PRKG1: variants seen among roughly 807,000 people sequenced by gnomAD.
The protein encoded by PRKG1 is cGMP-dependent protein kinase 1.
A neutral mutation model predicts 88.1 loss-of-function variants in PRKG1; 35 were observed. That is an observed-to-expected ratio of 0.40 (90% CI 0.30 to 0.53). The LOEUF is 0.53. Among genes scored for constraint, PRKG1 ranks in the 20% least tolerant of loss-of-function variants. The pLI is 0.59. For missense variants in PRKG1, 540 were observed against 839.8 expected, an observed-to-expected ratio of 0.64 and a Z score of 4.41; for synonymous variants, 303 against 292.5, an observed-to-expected ratio of 1.04 and a Z score of -0.37.
At chr10:51,804,285 A>G (rs181864127) in intron 3 of PRKG1, among the ~76,000 whole-genome samples, 2 of 152,222 alleles carry the variant, frequency 1.3e-5, no homozygotes, top group East Asian at 3.9e-4. Flanking sequence ...TGATTTACAA[A>G]ATACTTTCTA....
chr10:51,345,741 T>G (rs1842099850), intron 2 of PRKG1, among the ~76,000 whole-genome samples: 1 of 152,190 alleles, frequency 6.6e-6, no homozygotes, highest in Non-Finnish European at 1.5e-5. Flanking sequence ...TTTTCATTTA[T>G]TTATTGAGCA....
chr10:51,405,563 T>C (rs1489306548), intron 2 of PRKG1, among the ~76,000 whole-genome samples: 5 of 152,140 alleles, frequency 3.3e-5, no homozygotes, highest in Non-Finnish European at 7.4e-5. Flanking sequence ...TAAAACCATA[T>C]CGGAAATTTG....
intron 2 of PRKG1, among the ~76,000 whole-genome samples, chr10:51,371,148 C>T (rs1345415017): frequency 2.0e-5 from 3 of 152,074 alleles, no homozygotes; most frequent in Middle Eastern, 3.4e-3. Context: ...CTATAAGGTC[C>T]GTGATTGGGA....
intron 2 of PRKG1, among the ~76,000 whole-genome samples, chr10:51,406,306 G>A (rs1454211454): frequency 3.3e-5 from 5 of 152,196 alleles, no homozygotes; most frequent in Non-Finnish European, 7.3e-5. Context: ...CTCAGGTGCA[G>A]AGGAAATGAG....
chr10:51,388,599 T>C (rs543431256), intron 2 of PRKG1, among the ~76,000 whole-genome samples: 6 of 152,318 alleles, frequency 3.9e-5, no homozygotes, highest in Non-Finnish European at 7.4e-5. Context: ...ATGTTCAATG[T>C]CATGTGAGGA....
chr10:52,290,794 T>C (rs887751680), intron 17 of PRKG1, among the ~76,000 whole-genome samples: 3 of 152,126 alleles, frequency 2.0e-5, no homozygotes, highest in Admixed American at 1.3e-4. Flanking sequence ...AATTTGAGCT[T>C]ACAGTGAGCT....
intron 1 of PRKG1, among the ~76,000 whole-genome samples, chr10:51,151,706 C>A (rs557604984): frequency 6.6e-6 from 1 of 151,788 alleles, no homozygotes; most frequent in Non-Finnish European, 1.5e-5. Flanking sequence ...ATTTTAATGG[C>A]AGCATAACGT....
intron 3 of PRKG1, among the ~76,000 whole-genome samples, chr10:51,590,069 T>G (rs1341464042): frequency 1.3e-5 from 2 of 152,218 alleles, no homozygotes; most frequent in African/African-American, 4.8e-5. Flanking sequence ...TGTGTTTGTG[T>G]GTTTAACAAG....
At chr10:51,362,644 T>C (rs1476970104) in intron 2 of PRKG1, among the ~76,000 whole-genome samples, 1 of 151,866 alleles carries the variant, frequency 6.6e-6, no homozygotes, top group African/African-American at 2.4e-5. Context: ...ATTTATTTAT[T>C]ATACTTTAAG....
intron 4 of PRKG1, among the ~76,000 whole-genome samples, chr10:51,830,145 A>G (rs934064292): frequency 6.6e-6 from 1 of 151,846 alleles, no homozygotes; most frequent in African/African-American, 2.4e-5. Context: ...CTAGTTTTAT[A>G]CTCTTTATGC....
chr10:51,864,909 A>G (rs148631062), intron 4 of PRKG1, among the ~76,000 whole-genome samples: 265 of 152,246 alleles, frequency 1.7e-3, no homozygotes, highest in Middle Eastern at 6.8e-3. Context: ...TTTGTATGTC[A>G]CCTCATTCTT....
intron 3 of PRKG1, among the ~76,000 whole-genome samples, chr10:51,476,969 C>T (rs535977853): frequency 5.3e-5 from 8 of 151,912 alleles, no homozygotes; most frequent in East Asian, 3.9e-4. Flanking sequence ...CTTTAGGGAT[C>T]GATACTACAA....
chr10:51,581,634 C>T (rs371275092), intron 3 of PRKG1, among the ~76,000 whole-genome samples: 129 of 152,250 alleles, frequency 8.5e-4, no homozygotes, highest in Non-Finnish European at 1.4e-3. Flanking sequence ...GCACGTCACG[C>T]GCTGCTGGCT....
At chr10:51,160,875 C>CGTGTGTGTGTGTGT (rs71459406) in intron 2 of PRKG1, among the ~76,000 whole-genome samples, 6 of 150,074 alleles carry the variant, frequency 4.0e-5, no homozygotes, top group South Asian at 2.1e-4. Flanking sequence ...TCTTCATGCT[C>CGTGTGTGTGTGTGT]GTGTGTGTGT....
intron 2 of PRKG1, among the ~76,000 whole-genome samples, chr10:51,293,978 T>C (rs946400321): frequency 6.6e-6 from 1 of 152,186 alleles, no homozygotes; most frequent in African/African-American, 2.4e-5. Flanking sequence ...GTCAGTGATG[T>C]TGAGCATTTT....
intron 2 of PRKG1, among the ~76,000 whole-genome samples, chr10:51,336,128 A>T (rs1195446860): frequency 1.3e-5 from 2 of 152,098 alleles, no homozygotes; most frequent in Admixed American, 6.6e-5. Flanking sequence ...CAAGGTGGGC[A>T]GGTCACCTGA....
At chr10:51,694,144 A>G (rs2132397876) in intron 3 of PRKG1, among the ~76,000 whole-genome samples, 1 of 152,316 alleles carries the variant, frequency 6.6e-6, no homozygotes, top group East Asian at 1.9e-4. Context: ...TAAAGCAGTG[A>G]GAGACTGACA....
At chr10:51,382,079 C>G (rs1837120417) in intron 2 of PRKG1, among the ~76,000 whole-genome samples, 2 of 151,622 alleles carry the variant, frequency 1.3e-5, no homozygotes, top group African/African-American at 4.9e-5. Flanking sequence ...TTTTTGATGT[C>G]AGAATTGGTA....
At position 51,928,024 on chromosome 10, in the gene PRKG1, C is replaced by T. The variant is rs534387030; in HGVS notation, c.762+20454C>T. On this transcript the variant is annotated intron_variant, in intron 5 of 17. Coordinates refer to ENST00000373980, the MANE Select transcript of PRKG1 (RefSeq NM_006258.4). ...TGAGTTTGTGACAACTTTCAGGAAA[C>T]AGGTCACACTCTAAATCCAGATAGA... 5.9e-4 allele frequency among the ~76,000 whole-genome samples: 90 copies of T among 152,188 alleles called. 1 individual carries two copies. In the Middle Eastern group the frequency reaches 0.014, roughly 23 times the overall value.
Sources: allele counts gnomAD v4.1 joint callset (sites outside exome capture counted in the v4.1 genomes callset), GRCh38; gene constraint gnomAD v4.1.1; transcripts MANE v1.5; gene names NCBI Gene and HGNC (gene_info 2026-07-23, HGNC 2026-07-21).